The following TMEM108 variants were observed in gnomAD, a reference collection of about 807,000 sequenced individuals.
The protein encoded by TMEM108 is transmembrane protein 108, also known as cancer/testis antigen 124.
Under a neutral mutation model 35.1 loss-of-function variants are expected in TMEM108, and 12 were observed. The observed-to-expected ratio is 0.34, with a 90% CI of 0.22 to 0.55. The LOEUF is 0.55. Ranked by LOEUF, TMEM108 falls within the 20% of genes least tolerant of loss-of-function variation. The probability of loss-of-function intolerance (pLI) is 0.89; values close to 1 mark genes in which losing one functional copy is unlikely to be tolerated. For synonymous variants in TMEM108, 287 were observed against 308.6 expected (o/e 0.93, Z 0.73); for missense variants, 680 against 753.3 (o/e 0.90, Z 1.14).
intron 2 of TMEM108, among the ~76,000 whole-genome samples, chr3:133,084,453 A>G (rs770961120): frequency 3.6e-4 from 55 of 152,188 alleles, no homozygotes; most frequent in Non-Finnish European, 6.3e-4. Flanking sequence ...TCATTAGGAA[A>G]TGGTGTAGAT....
chr3:133,088,626 A>G (rs1943911588), intron 2 of TMEM108, among the ~76,000 whole-genome samples: 1 of 152,208 alleles, frequency 6.6e-6, no homozygotes, highest in Non-Finnish European at 1.5e-5. Context: ...TAAGCAGTAT[A>G]TTCACACTGT....
At chr3:133,136,400 T>G (rs1445400104) in intron 2 of TMEM108, among the ~76,000 whole-genome samples, 1 of 152,224 alleles carries the variant, frequency 6.6e-6, no homozygotes, top group African/African-American at 2.4e-5. Context: ...TTTGCAGGGC[T>G]TATGCTTCCT....
At chr3:133,392,006 C>A (rs1011525726) in intron 5 of TMEM108, among the ~76,000 whole-genome samples, 2 of 152,178 alleles carry the variant, frequency 1.3e-5, no homozygotes, top group African/African-American at 2.4e-5. Flanking sequence ...ATCTGTGCAG[C>A]ACTGGCACTG....
At chr3:133,326,772 G>C (rs944308097) in intron 3 of TMEM108, among the ~76,000 whole-genome samples, 1 of 152,148 alleles carries the variant, frequency 6.6e-6, no homozygotes, top group African/African-American at 2.4e-5. Context: ...GAAAGTCCTG[G>C]GTTCAAATTC....
At chr3:133,214,782 C>T (rs995912329) in intron 2 of TMEM108, among the ~76,000 whole-genome samples, 3 of 152,094 alleles carry the variant, frequency 2.0e-5, no homozygotes, top group Non-Finnish European at 4.4e-5. Flanking sequence ...AGCTGAGTTC[C>T]ACCTCCTGTC....
At chr3:133,340,313 G>A (rs746484741) in intron 3 of TMEM108, among the ~76,000 whole-genome samples, 2 of 151,742 alleles carry the variant, frequency 1.3e-5, no homozygotes, top group African/African-American at 2.4e-5. Context: ...GCAACTATAT[G>A]TCAATAAATT....
chr3:133,070,497 G>A (rs941572360), intron 2 of TMEM108, among the ~76,000 whole-genome samples: 22 of 152,108 alleles, frequency 1.4e-4, no homozygotes, highest in African/African-American at 5.1e-4. Flanking sequence ...ATTGGAAAAG[G>A]CTTAGAACCC....
intron 3 of TMEM108, among the ~76,000 whole-genome samples, chr3:133,354,286 G>C (rs1206226821): frequency 1.3e-5 from 2 of 152,166 alleles, no homozygotes; most frequent in Non-Finnish European, 2.9e-5. Context: ...GGGTCTGCTG[G>C]TAAAGCTCTC....
chr3:133,052,302 G>T (rs956983642), intron 2 of TMEM108, among the ~76,000 whole-genome samples: 5 of 151,842 alleles, frequency 3.3e-5, no homozygotes, highest in Non-Finnish European at 5.9e-5. Context: ...TGATATGTAG[G>T]AAAACAGTTG....
chr3:133,159,409 T>C (rs1025164790), intron 2 of TMEM108, among the ~76,000 whole-genome samples: 1 of 152,214 alleles, frequency 6.6e-6, no homozygotes. Context: ...TTATCCATGC[T>C]CTGAGTAGCT....
intron 3 of TMEM108, among the ~76,000 whole-genome samples, chr3:133,269,152 C>G (rs1437829868): frequency 6.6e-6 from 1 of 152,136 alleles, no homozygotes; most frequent in African/African-American, 2.4e-5. Context: ...TACCTCTTTA[C>G]AGTTAAGAAA....
At chr3:133,164,359 A>G (rs1945005445) in intron 2 of TMEM108, among the ~76,000 whole-genome samples, 1 of 152,202 alleles carries the variant, frequency 6.6e-6, no homozygotes, top group African/African-American at 2.4e-5. Flanking sequence ...TTTCTAGCCT[A>G]GCCTGTCTCC....
chr3:133,167,853 G>A (rs563774883), intron 2 of TMEM108, among the ~76,000 whole-genome samples: 20 of 152,280 alleles, frequency 1.3e-4, no homozygotes, highest in South Asian at 1.2e-3. Flanking sequence ...GTGCAGCGGC[G>A]GGCTGGGCTC....
chr3:133,348,646 T>C (rs2071893345), intron 3 of TMEM108, among the ~76,000 whole-genome samples: 1 of 152,126 alleles, frequency 6.6e-6, no homozygotes, highest in Non-Finnish European at 1.5e-5. Flanking sequence ...AGGTGTTGAA[T>C]GTGGGATTTA....
intron 3 of TMEM108, among the ~76,000 whole-genome samples, chr3:133,314,998 A>C (rs1167903433): frequency 6.6e-6 from 1 of 152,186 alleles, no homozygotes; most frequent in Non-Finnish European, 1.5e-5. Context: ...GTATAATCTC[A>C]AACAAAGTTA....
At chr3:133,300,975 T>TACACAC (rs66703555) in intron 3 of TMEM108, among the ~76,000 whole-genome samples, 37 of 131,352 alleles carry the variant, frequency 2.8e-4, no homozygotes, top group African/African-American at 1.1e-3. Flanking sequence ...CAGACCCCAG[T>TACACAC]ACACACACAC....
At chr3:133,157,390 T>G (rs1944896930) in intron 2 of TMEM108, among the ~76,000 whole-genome samples, 1 of 152,182 alleles carries the variant, frequency 6.6e-6, no homozygotes, top group African/African-American at 2.4e-5. Flanking sequence ...GGAAGAGTGG[T>G]TGAATATAAT....
At chr3:133,296,624 T>C (rs957941716) in intron 3 of TMEM108, among the ~76,000 whole-genome samples, 4 of 151,876 alleles carry the variant, frequency 2.6e-5, no homozygotes, top group Admixed American at 6.6e-5. Flanking sequence ...CCAGTCCTTG[T>C]AGGGAGATGG....
intron 2 of TMEM108, among the ~76,000 whole-genome samples, chr3:133,155,594 C>A (rs555128690): frequency 6.6e-6 from 1 of 152,180 alleles, no homozygotes; most frequent in Admixed American, 6.5e-5. Context: ...ATTTGCATTT[C>A]TCTAATGATC....
Sources: allele counts gnomAD v4.1 joint callset (sites outside exome capture counted in the v4.1 genomes callset), GRCh38; gene constraint gnomAD v4.1.1; transcripts MANE v1.5; gene names NCBI Gene and HGNC (gene_info 2026-07-23, HGNC 2026-07-21).